The following VAV3 variants were observed in gnomAD, a reference collection of about 807,000 sequenced individuals.
VAV3 encodes the protein guanine nucleotide exchange factor VAV3.
A neutral mutation model predicts 131.2 loss-of-function variants in VAV3; 94 were observed. The ratio of observed to expected loss-of-function variants is 0.72; its 90% CI spans 0.61 to 0.85. VAV3 has a LOEUF of 0.85. Ranked by LOEUF, VAV3 falls within the 40% of genes least tolerant of loss-of-function variation. VAV3 has a pLI of 0.00. For synonymous variants in VAV3, 349 were observed against 342.0 expected, an observed-to-expected ratio of 1.02 and a Z score of -0.22; for missense variants, 939 against 1,002.7, an observed-to-expected ratio of 0.94 and a Z score of 0.86.
intron 15 of VAV3, among the ~76,000 whole-genome samples, chr1:107,731,151 T>C (rs1001418675): frequency 5.3e-5 from 8 of 152,186 alleles, no homozygotes; most frequent in African/African-American, 1.7e-4. Context: ...TCTGAAGCCA[T>C]CCTTTAAATA....
At chr1:107,828,324 G>A (rs769735687) in intron 2 of VAV3, among the ~76,000 whole-genome samples, 8 of 152,162 alleles carry the variant, frequency 5.3e-5, no homozygotes, top group Non-Finnish European at 1.2e-4. Context: ...AGGCTGTAAG[G>A]CAGAAGGCCT....
chr1:107,825,681 G>A (rs1219797404), intron 2 of VAV3, among the ~76,000 whole-genome samples: 2 of 152,086 alleles, frequency 1.3e-5, no homozygotes, highest in Non-Finnish European at 2.9e-5. Context: ...AAAATCCTCT[G>A]CTTTCCATCA....
chr1:107,622,690 T>C (rs1488116784), intron 20 of VAV3, among the ~76,000 whole-genome samples: 2 of 152,228 alleles, frequency 1.3e-5, no homozygotes, highest in African/African-American at 2.4e-5. Context: ...TCTCAATGTA[T>C]GCACGATGGT....
chr1:107,821,729 T>C (rs1271372813), intron 2 of VAV3, among the ~76,000 whole-genome samples: 1 of 152,214 alleles, frequency 6.6e-6, no homozygotes, highest in Non-Finnish European at 1.5e-5. Context: ...GAGGATACTT[T>C]GGCTGCTCTA....
intron 1 of VAV3, among the ~76,000 whole-genome samples, chr1:107,907,750 TGATGCAGCAAGAAGGTCCTCACCA>T (rs1672175869): frequency 6.6e-6 from 1 of 152,134 alleles, no homozygotes; most frequent in African/African-American, 2.4e-5. Flanking sequence ...CACCATGGTA[TGATGCAGCAAGAAGGTCCTCACCA>T]GATGCAGCCC....
In VAV3 at chr1:107,770,665, A is replaced by G; in HGVS notation, c.619T>C (p.Tyr207His). The change falls in exon 6 of 27, where the codon TAT (tyrosine) becomes CAT (histidine). Residue 207 changes from tyrosine (Y) to histidine (H), a missense_variant. Physicochemically the swap from Tyr to His is moderately conservative, Grantham distance 83 (BLOSUM62 2). Coordinates refer to ENST00000370056, the MANE Select transcript of VAV3 (RefSeq NM_006113.5). ...LAEIKQTEEK[Y>H]TETLESIEKY... ...TCTATTGACTCCAAAGTTTCTGTAT[A>G]TTTTTCTTCTGTCTGCTTAATTTCT... 2 of 1,612,078 alleles carry G rather than the reference A, an allele frequency of 1.2e-6. No individual in the cohort carries two copies. The highest frequency in any genetic ancestry group is 1.7e-6 in the Non-Finnish European group (2 of 1,178,964).
intron 8 of VAV3, among the ~76,000 whole-genome samples, chr1:107,765,874 T>C (rs1170645553): frequency 1.3e-5 from 2 of 152,220 alleles, no homozygotes; most frequent in East Asian, 1.9e-4. Flanking sequence ...AGCCACTTCT[T>C]AGTACTAGGA....
chr1:107,586,078 C>T (rs1189856985), intron 25 of VAV3, among the ~76,000 whole-genome samples: 1 of 151,516 alleles, frequency 6.6e-6, no homozygotes, highest in African/African-American at 2.4e-5. Flanking sequence ...ATCACCCAAC[C>T]AGCCCAGTTA....
intron 20 of VAV3, among the ~76,000 whole-genome samples, chr1:107,621,027 C>G (rs12049132): frequency 6.6e-6 from 1 of 151,224 alleles, no homozygotes; most frequent in Admixed American, 6.6e-5. Context: ...TATGCCAGAA[C>G]AAATGGTATA....
chr1:107,657,339 G>A (rs1201470512), intron 19 of VAV3, among the ~76,000 whole-genome samples: 1 of 152,098 alleles, frequency 6.6e-6, no homozygotes, highest in Admixed American at 6.6e-5. Context: ...GTATAAAGGG[G>A]ACTTTATAAG....
chr1:107,881,289 A>G (rs770399341), intron 1 of VAV3, among the ~76,000 whole-genome samples: 2 of 152,202 alleles, frequency 1.3e-5, no homozygotes, highest in East Asian at 3.8e-4. Flanking sequence ...GAAAAGAAAT[A>G]TTTGGTAATT....
rs77352406 is a variant in VAV3 at position 107,623,592 on chromosome 1, C to A, written c.1915-5960G>T. Among the ~76,000 whole-genome samples, 4 of 152,262 alleles carry A rather than the reference C, an allele frequency of 2.6e-5. No homozygotes were observed. The East Asian group carries it at 5.8e-4, about 22-fold the overall frequency. ...ATGCTTTCTTGGCAGTACACATATT[C>A]TTTCATTGTTAATTGCTTCCTATAT... On this transcript the variant is annotated intron_variant, in intron 20 of 26. Coordinates refer to ENST00000370056, the MANE Select transcript of VAV3 (RefSeq NM_006113.5).
intron 1 of VAV3, among the ~76,000 whole-genome samples, chr1:107,903,647 CT>C (rs1671972737): frequency 6.6e-6 from 1 of 151,820 alleles, no homozygotes; most frequent in Non-Finnish European, 1.5e-5. Flanking sequence ...TTTATCCCCA[CT>C]GCAGGATTTT....
chr1:107,771,906 A>T (rs1316905739), intron 5 of VAV3, among the ~76,000 whole-genome samples: 48 of 152,336 alleles, frequency 3.2e-4, no homozygotes, highest in Non-Finnish European at 2.9e-5. Flanking sequence ...GTTAAACCAC[A>T]CTTGCGTTAT....
chr1:107,673,210 G>A (rs551172043), intron 19 of VAV3, among the ~76,000 whole-genome samples: 1 of 152,090 alleles, frequency 6.6e-6, no homozygotes, highest in Non-Finnish European at 1.5e-5. Flanking sequence ...GTGCGGCTAG[G>A]GTGATCTTTT....
At chr1:107,722,247 C>T (rs1661544004) in intron 15 of VAV3, among the ~76,000 whole-genome samples, 1 of 152,158 alleles carries the variant, frequency 6.6e-6, no homozygotes, top group South Asian at 2.1e-4. Context: ...TTCTTCCCCA[C>T]TCAAAACTAA....
At chr1:107,958,097 T>A (rs1209701604) in intron 1 of VAV3, among the ~76,000 whole-genome samples, 5 of 152,178 alleles carry the variant, frequency 3.3e-5, no homozygotes, top group Non-Finnish European at 5.9e-5. Context: ...GTATTGAGTT[T>A]AAAATTATGC....
chr1:107,601,019 G>A (rs547093559), intron 24 of VAV3, among the ~76,000 whole-genome samples: 8 of 152,128 alleles, frequency 5.3e-5, no homozygotes, highest in African/African-American at 1.7e-4. Context: ...AAGCTGGTAC[G>A]TCTTGCAGAG....
intron 1 of VAV3, among the ~76,000 whole-genome samples, chr1:107,922,935 G>C (rs1672979972): frequency 7.1e-6 from 1 of 141,526 alleles, no homozygotes; most frequent in African/African-American, 2.6e-5. Flanking sequence ...CTGGGCGACA[G>C]AGCGAGACTC....
Sources: gnomAD v4.1 joint callset for allele counts (sites outside exome capture counted in the v4.1 genomes callset) on GRCh38, gnomAD v4.1.1 for gene constraint, MANE v1.5 for transcripts, NCBI Gene and HGNC (gene_info 2026-07-23, HGNC 2026-07-21) for gene names.